Variants in GALNT16 observed in about 807,000 individuals in gnomAD.
GALNT16 encodes UDP-GalNAc:polypeptide N-acetylgalactosaminyltransferase-like protein 1.
A neutral mutation model predicts 76.1 loss-of-function variants in GALNT16; 40 were observed. The ratio of observed to expected loss-of-function variants is 0.53; its 90% CI spans 0.41 to 0.68. GALNT16 has a LOEUF of 0.68. Among genes scored for constraint, GALNT16 ranks in the 30% least tolerant of loss-of-function variants. GALNT16 has a pLI of 0.00. For missense variants in GALNT16, 621 were observed against 731.9 expected, an observed-to-expected ratio of 0.85 and a Z score of 1.75; for synonymous variants, 276 against 285.2, an observed-to-expected ratio of 0.97 and a Z score of 0.32.
intron 2 of GALNT16, among the ~76,000 whole-genome samples, chr14:69,321,942 T>C (rs1355231185): frequency 6.6e-6 from 1 of 152,182 alleles, no homozygotes; most frequent in Non-Finnish European, 1.5e-5. Context: ...TGGATCAAGG[T>C]TGCTTTTACT....
rs1006195988 is a variant in GALNT16, at chr14:69,326,620, G to A, written c.568+593G>A. ...GAATGGGCCTCAATGGGGTGTGGGG[G>A]CATCATGAGACAGGTAAAGGGGAGC... is the stretch of plus-strand genomic sequence containing the variant. On this transcript the variant is annotated intron_variant, in intron 5 of 14. Coordinates refer to ENST00000448469, the MANE Select transcript of GALNT16 (RefSeq NM_001168368.2). Among the ~76,000 whole-genome samples, 7 of 152,184 alleles carry A rather than the reference G, an allele frequency of 4.6e-5. No homozygotes were observed. The East Asian group carries it at 9.6e-4, about 21-fold the overall frequency.
the GALNT16 span, among the ~76,000 whole-genome samples, chr14:69,368,047 A>T: frequency 6.6e-6 from 1 of 152,170 alleles, no homozygotes; most frequent in African/African-American, 2.4e-5. Flanking sequence ...AAAGTGATAT[A>T]ATCAGATTTT....
At chr14:69,344,635 G>C (rs1010421123) in intron 12 of GALNT16, among the ~76,000 whole-genome samples, 4 of 152,186 alleles carry the variant, frequency 2.6e-5, no homozygotes, top group Non-Finnish European at 1.5e-5. Context: ...ATCTGATCTT[G>C]AGATTGCTCC....
downstream of GALNT16, chr14:69,357,224 A>C (rs1441686425): frequency 6.6e-6 from 1 of 152,276 alleles, no homozygotes; most frequent in Non-Finnish European, 1.5e-5. Flanking sequence ...CCAGAGCGTC[A>C]GTGAGTTGGT....
chr14:69,299,951 C>T (rs1425254297), intron 1 of GALNT16, among the ~76,000 whole-genome samples: 2 of 152,168 alleles, frequency 1.3e-5, no homozygotes, highest in Non-Finnish European at 2.9e-5. Flanking sequence ...TGAGATGTTA[C>T]AAGAGTTCGA....
chr14:69,300,422 G>A (rs148867895), intron 1 of GALNT16, among the ~76,000 whole-genome samples: 103 of 152,322 alleles, frequency 6.8e-4, no homozygotes, highest in Middle Eastern at 6.8e-3. Flanking sequence ...TGCTTCTGCT[G>A]CTGCCACCTC....
intron 1 of GALNT16, among the ~76,000 whole-genome samples, chr14:69,288,467 G>A (rs2044645634): frequency 6.6e-6 from 1 of 152,302 alleles, no homozygotes; most frequent in East Asian, 1.9e-4. Context: ...TGACACAGGA[G>A]GCCCATGTGA....
At chr14:69,337,252 T>A (rs1213526368) in intron 9 of GALNT16, among the ~76,000 whole-genome samples, 6 of 152,094 alleles carry the variant, frequency 3.9e-5, no homozygotes, top group Non-Finnish European at 5.9e-5. Flanking sequence ...TTGAGTGACC[T>A]TGGAGAGGTT....
rs997443499 is a variant in GALNT16 at position 69,261,805 on chromosome 14, G to C, written c.177+1338G>C. 2.0e-5 allele frequency among the ~76,000 whole-genome samples: 3 copies of C among 151,962 alleles called. No homozygotes were observed. The highest frequency in any genetic ancestry group is 4.8e-5 in the African/African-American group (2 of 41,404). ...GGCTTTGCCTGAGGAGACCTGGGGC[G>C]GGGGGGTGAGGTTGTGGGTTTTGTC... On this transcript the variant is annotated intron_variant, in intron 1 of 14. Transcript: ENST00000448469. The surrounding 1 kb of genome is among the most constrained non-coding windows in gnomAD (Gnocchi z 6.4).
chr14:69,324,460 G>GTC (rs986421358), intron 2 of GALNT16, among the ~76,000 whole-genome samples: 1 of 152,078 alleles, frequency 6.6e-6, no homozygotes, highest in Non-Finnish European at 1.5e-5. Flanking sequence ...GCCTTGGAAG[G>GTC]TCTCCCAACC....
intron 14 of GALNT16, chr14:69,349,800 G>C (rs1489011507): frequency 1.3e-5 from 2 of 152,264 alleles, no homozygotes; most frequent in Non-Finnish European, 2.9e-5. Context: ...CCAGAATTGA[G>C]TGGCCTGGAG....
At chr14:69,361,285 C>T (rs952559817), downstream of GALNT16, among the ~76,000 whole-genome samples, 2 of 152,198 alleles carry the variant, frequency 1.3e-5, no homozygotes, top group Non-Finnish European at 2.9e-5. Context: ...CTGAGACACA[C>T]ATTTTATCTT....
chr14:69,359,189 C>G (rs1370840228), downstream of GALNT16: 1 of 152,222 alleles, frequency 6.6e-6, no homozygotes, highest in South Asian at 2.1e-4. Context: ...TAGCTCCTTG[C>G]TGACAGGAAC....
intron 1 of GALNT16, among the ~76,000 whole-genome samples, chr14:69,279,865 G>T (rs910633657): frequency 1.3e-5 from 2 of 152,176 alleles, no homozygotes; most frequent in Admixed American, 6.5e-5. Context: ...GGCTGTTGGG[G>T]GAAGAGACTG....
intron 1 of GALNT16, among the ~76,000 whole-genome samples, chr14:69,295,492 G>A (rs942762900): frequency 6.6e-6 from 1 of 151,824 alleles, no homozygotes; most frequent in African/African-American, 2.4e-5. Context: ...GGCCGAGGTG[G>A]GCAGATCACT....
chr14:69,361,515 C>T (rs151099651), downstream of GALNT16, among the ~76,000 whole-genome samples: 1,045 of 152,332 alleles, frequency 6.9e-3, 9 homozygotes, highest in Non-Finnish European at 0.01. Flanking sequence ...AGAACACTGA[C>T]ATGTTTGTAC....
intron 1 of GALNT16, among the ~76,000 whole-genome samples, chr14:69,305,314 C>A (rs1435777957): frequency 6.6e-6 from 1 of 151,990 alleles, no homozygotes. Context: ...CAGACATGTG[C>A]CACCATACCT....
intron 1 of GALNT16, 81 bp from the exon 2 acceptor site, chr14:69,320,630 C>T (rs1594848284): frequency 1.5e-6 from 2 of 1,357,984 alleles, no homozygotes; most frequent in East Asian, 2.3e-5. Context: ...TGGCTGGCTC[C>T]CGCCTGGTGT....
chr14:69,338,294 C>G lies in GALNT16; in HGVS notation c.968-357C>G, dbSNP rs140383462. On this transcript the variant is annotated intron_variant, in intron 9 of 14. Transcript: ENST00000448469. ...CTGGCTGACGAGCAGATGTGTTTTT[C>G]CTTAGCTCATGTCTGTCTGGGGCTT... Among the ~76,000 whole-genome samples, 660 of 152,326 alleles carry G rather than the reference C, an allele frequency of 4.3e-3. 4 individuals are homozygous for G. The highest frequency in any genetic ancestry group is 0.015 in the African/African-American group (604 of 41,566).
Sources: allele counts gnomAD v4.1 joint callset (sites outside exome capture counted in the v4.1 genomes callset), GRCh38; gene constraint gnomAD v4.1.1; non-coding constraint Gnocchi (gnomAD v3.1); transcripts MANE v1.5; gene names NCBI Gene and HGNC (gene_info 2026-07-23, HGNC 2026-07-21).